The following RCE1 variants were observed in gnomAD, a reference collection of about 807,000 sequenced individuals.
RCE1 encodes CAAX prenyl protease 2.
RCE1 carries 15 observed loss-of-function variants against 35.0 expected under a neutral mutation model. That is an observed-to-expected ratio of 0.43 (90% confidence interval 0.29 to 0.66). The LOEUF (loss-of-function observed/expected upper bound fraction) is 0.66. Ranked by LOEUF, RCE1 falls within the 30% of genes least tolerant of loss-of-function variation. RCE1 has a pLI of 0.17. For synonymous variants in RCE1, 261 were observed against 192.7 expected, an observed-to-expected ratio of 1.35 and a Z score of -2.94; for missense variants, 434 against 433.0, an observed-to-expected ratio of 1.00 and a Z score of -0.02.
chr11:66,843,569 A>G lies in RCE1; in HGVS notation c.114A>G (p.Ser38=), dbSNP rs772486293. 3.2e-6 allele frequency: 5 copies of G among 1,579,688 alleles called. No homozygotes were observed. Among genetic ancestry groups the G allele is most frequent in the East Asian group, 2.3e-5 (1 of 44,170 alleles). The change falls in exon 1 of 8, where the codon TCA becomes TCG. Residue 38 remains serine, a synonymous_variant. Coordinates refer to ENST00000309657, the MANE Select transcript of RCE1 (RefSeq NM_005133.3). ...GCCCCGGGCTGTGCTGCTGGGTGTC[A>G]GTGTTCTCCTGCCTCAGCCTCGCCT... ...GLGPGLCCWV[S]VFSCLSLACS...
chr11:66,846,144 CCCA>C lies in RCE1; in HGVS notation c.*53_*55del, dbSNP rs576844535. 2.9e-4 allele frequency: 445 copies of C among 1,529,080 alleles called. 3 individuals are homozygous for C. The East Asian group carries it at 9.9e-3, about 34-fold the overall frequency. The allele number at this position is 1,529,080 out of a possible 1,614,324, so 94.7% of individuals were successfully genotyped here. A position where few individuals can be genotyped will look rare whatever the true frequency, so the allele number is the denominator to read the frequency against. Reference sequence around the variant, plus strand: ...AACTCTCACCGGCTCCCCAGCCCTCCCCACCAAGGGGTACTGCAGGGGAAGGGC... The same window carrying C: ...AACTCTCACCGGCTCCCCAGCCCTCCCCAAGGGGTACTGCAGGGGAAGGGC... On this transcript the variant is annotated 3_prime_UTR_variant, in exon 8 of 8. Transcript: ENST00000309657.
chr11:66,844,506 T>C (rs1459306714), intron 4 of RCE1, 142 bp downstream of exon 4: 8 of 1,185,516 alleles, frequency 6.7e-6, no homozygotes, highest in African/African-American at 4.6e-5. Context: ...AATGGAAACA[T>C]AGAGCTAGGT....
In RCE1 at chr11:66,844,890, G is replaced by C. The variant is rs1170411551; in HGVS notation, c.473G>C (p.Cys158Ser). ...VVLAPRSWAR[C>S]LTDMRWLRNQ... ...GCAGCCCCCCGCTCCTGGGCCCGCT[G>C]CCTCACAGACATGCGTTGGCTGCGG... Residue 158 changes from cysteine to serine, a missense_variant, in exon 5 of 8, where the codon TGC becomes TCC. Cys to Ser is a moderately radical substitution (Grantham distance 112). Coordinates refer to ENST00000309657, the MANE Select transcript of RCE1 (RefSeq NM_005133.3). The C allele has an allele frequency of 1.9e-6, 3 of 1,558,466 alleles. No homozygotes were observed. Among genetic ancestry groups the C allele is most frequent in the Non-Finnish European group, 2.6e-6 (3 of 1,153,836 alleles).
chr11:66,844,732 A>T (rs1565201912), intron 4 of RCE1, 137 bp from the exon 5 acceptor site: 1 of 1,256,562 alleles, frequency 8.0e-7, no homozygotes, highest in African/African-American at 1.5e-5. Context: ...TTGGGTCCAC[A>T]CCCCCGTCCT....
chr11:66,843,478 G>T lies in RCE1; in HGVS notation c.23G>T (p.Gly8Val). ...GCAATGGCGGCGCTGGGCGGGGATGGGCTGCGACTGCTGTCGGTGTCGCGG... is the reference window on the plus strand; with the variant it reads ...GCAATGGCGGCGCTGGGCGGGGATGTGCTGCGACTGCTGTCGGTGTCGCGG... MAALGGD[G>V]LRLLSVSRPE... The change falls in exon 1 of 8, where the codon GGG becomes GTG. Residue 8 changes from glycine to valine, a missense_variant. By Grantham distance (109) the Gly-to-Val change is moderately radical. Transcript: ENST00000309657. 2 of 1,464,216 alleles carry T rather than the reference G, an allele frequency of 1.4e-6. No individual in the cohort carries two copies. Among genetic ancestry groups the T allele is most frequent in the Non-Finnish European group, 1.8e-6 (2 of 1,119,930 alleles). 90.7% of individuals were successfully genotyped at this position (1,464,216 alleles called of 1,614,324 possible). A position where few individuals can be genotyped will look rare whatever the true frequency, so the allele number is the denominator to read the frequency against.
intron 7 of RCE1, 41 bp from the exon 8 acceptor site, chr11:66,845,819 G>A: frequency 6.3e-7 from 1 of 1,595,552 alleles, no homozygotes; most frequent in South Asian, 1.1e-5. Context: ...GCCAGAGGAG[G>A]TGGTAGGGCT....
Position 66,846,143 on chromosome 11 carries a change from C to T in RCE1, c.*48C>T. 1 of 1,530,434 alleles carries T rather than the reference C, an allele frequency of 6.5e-7. No individual in the cohort carries two copies. The highest frequency in any genetic ancestry group is 8.8e-7 in the Non-Finnish European group (1 of 1,142,022). 94.8% of individuals were successfully genotyped at this position (1,530,434 alleles called of 1,614,324 possible). A position where few individuals can be genotyped will look rare whatever the true frequency, so the allele number is the denominator to read the frequency against. On this transcript the variant is annotated 3_prime_UTR_variant, in exon 8 of 8. Transcript: ENST00000309657. ...GAACTCTCACCGGCTCCCCAGCCCT[C>T]CCCACCAAGGGGTACTGCAGGGGAA...
rs771224421 is a variant in RCE1, at chr11:66,843,658, G to A, written c.185+18G>A. 100 of 1,602,964 alleles carry A rather than the reference G, an allele frequency of 6.2e-5. No individual in the cohort carries two copies. Among genetic ancestry groups the A allele is most frequent in the Non-Finnish European group, 7.2e-5 (85 of 1,176,442 alleles). Reference sequence around the variant, plus strand: ...CTGCCCAGGTGCGGGGGCTGCGCGCGACCGGAATCCGCGCCCTGCGGGCGG... The same window carrying A: ...CTGCCCAGGTGCGGGGGCTGCGCGCAACCGGAATCCGCGCCCTGCGGGCGG... On this transcript the variant is annotated intron_variant, in intron 1 of 7. Transcript: ENST00000309657.
In RCE1 at chr11:66,844,938, C is replaced by G. The variant is rs1260390107; in HGVS notation, c.521C>G (p.Thr174Arg). 1.9e-6 allele frequency: 3 copies of G among 1,606,634 alleles called. No homozygotes were observed. Among genetic ancestry groups the G allele is most frequent in the Non-Finnish European group, 8.5e-7 (1 of 1,176,308 alleles). The change falls in exon 5 of 8, where the codon ACA (threonine) becomes AGA (arginine). Residue 174 changes from threonine (T) to arginine (R), a missense_variant. Physicochemically the swap from Thr to Arg is moderately conservative, Grantham distance 71. Transcript: ENST00000309657. The part of the protein sequence containing the change: ...WLRNQVIAPL[T>R]EELVFRACML... ...CGGAACCAAGTGATCGCCCCGCTGA[C>G]AGAGGAGCTGGTGTTCCGGGCCTGT...
At position 66,844,078 on chromosome 11, in the gene RCE1, T is replaced by C. The variant is rs1255736059; in HGVS notation, c.372+39T>C. 5 of 1,613,636 alleles carry C rather than the reference T, an allele frequency of 3.1e-6. No homozygotes were observed. In the African/African-American group the frequency reaches 5.3e-5, roughly 17 times the overall value. The stretch of plus-strand genomic sequence containing the variant: ...CTGTATTTTTTCTTCTGGTCTTTGT[T>C]ATCAGCCTGATGGGCAGTGCCGTGG... On this transcript the variant is annotated intron_variant, in intron 3 of 7. Coordinates refer to ENST00000309657, the MANE Select transcript of RCE1 (RefSeq NM_005133.3).
At chr11:66,844,185 A>T in intron 3 of RCE1, 101 bp from the exon 4 acceptor site, 1 of 1,597,118 alleles carries the variant, frequency 6.3e-7, no homozygotes, top group Non-Finnish European at 8.6e-7. Flanking sequence ...TGGTCTGGAA[A>T]TCGTGGCTGG....
intron 4 of RCE1, 37 bp from the exon 5 acceptor site, chr11:66,844,832 C>T (rs2135770175): frequency 1.3e-6 from 2 of 1,504,442 alleles, no homozygotes; most frequent in Admixed American, 2.3e-5. Flanking sequence ...TGTCTGACAG[C>T]CCGTCACTCA....
At position 66,845,970 on chromosome 11, in the gene RCE1, G is replaced by A; in HGVS notation, c.865G>A (p.Ala289Thr). 1 of 1,613,856 alleles carries A rather than the reference G, an allele frequency of 6.2e-7. No individual in the cohort carries two copies. The highest frequency in any genetic ancestry group is 1.3e-5 in the African/African-American group (1 of 75,072). The change falls in exon 8 of 8, where the codon GCC becomes ACC. Residue 289 changes from alanine to threonine, a missense_variant. Transcript: ENST00000309657. ...GAGGCGGCCCCTGCTGGCAGGCTAT[G>A]CCCTGGGTGTGGGACTCTTCCTGCT... ...PQRRPLLAGY[A>T]LGVGLFLLLL...
Position 66,846,103 on chromosome 11 carries a change from T to C in RCE1, c.*8T>C. ...GCTCCCCTGTGCTCCTGACCTATGC[T>C]CCTGGATACGCTATGAACTCTCACC... On this transcript the variant is annotated 3_prime_UTR_variant, in exon 8 of 8. Coordinates refer to ENST00000309657, the MANE Select transcript of RCE1 (RefSeq NM_005133.3). 6.3e-7 allele frequency: 1 copy of C among 1,596,000 alleles called. No individual in the cohort carries two copies. Among genetic ancestry groups the C allele is most frequent in the Non-Finnish European group, 8.5e-7 (1 of 1,172,010 alleles).
At position 66,844,009 on chromosome 11, in the gene RCE1, A is replaced by G. The variant is rs138345229; in HGVS notation, c.342A>G (p.Pro114=). 3.0e-5 allele frequency: 49 copies of G among 1,613,846 alleles called. No homozygotes were observed. In the Middle Eastern group the frequency reaches 6.6e-4, roughly 22 times the overall value. ...GCTTCAGGCTGGAGGGCATTTTCCC[A>G]GCGGCGCTGCTGCCCCTGTTGCTGA... The part of the protein sequence containing the change: ...LMGFRLEGIF[P]AALLPLLLTM... The change falls in exon 3 of 8, where the codon CCA becomes CCG. Residue 114 remains proline, a synonymous_variant. Coordinates refer to ENST00000309657, the MANE Select transcript of RCE1 (RefSeq NM_005133.3).
Position 66,844,059 on chromosome 11 carries a change from T to A in RCE1, c.372+20T>A. 1 of 1,613,998 alleles carries A rather than the reference T, an allele frequency of 6.2e-7. No individual in the cohort carries two copies. Among genetic ancestry groups the A allele is most frequent in the Non-Finnish European group, 8.5e-7 (1 of 1,180,008 alleles). On this transcript the variant is annotated intron_variant, in intron 3 of 7. Coordinates refer to ENST00000309657, the MANE Select transcript of RCE1 (RefSeq NM_005133.3). The stretch of plus-strand genomic sequence containing the variant: ...ACCATGGTGAGTGCTCCTGCTGTAT[T>A]TTTTCTTCTGGTCTTTGTTATCAGC...
chr11:66,845,226 T>G lies in RCE1; in HGVS notation c.680T>G (p.Phe227Cys). 1 of 1,614,224 alleles carries G rather than the reference T, an allele frequency of 6.2e-7. No individual in the cohort carries two copies. Among genetic ancestry groups the G allele is most frequent in the Middle Eastern group, 1.6e-4 (1 of 6,062 alleles). The change falls in exon 6 of 8, where the codon TTC becomes TGC. Residue 227 changes from phenylalanine (F) to cysteine (C), a missense_variant. By Grantham distance (205) the Phe-to-Cys change is radical. Coordinates refer to ENST00000309657, the MANE Select transcript of RCE1 (RefSeq NM_005133.3). ...RFRQSSVGNI[F>C]LSAAFQFSYT... Reference sequence around the variant, plus strand: ...CGCCAGAGCAGCGTGGGGAACATCTTCTTGTCTGCTGGTGAGTCCTGGCTA... The same window carrying G: ...CGCCAGAGCAGCGTGGGGAACATCTGCTTGTCTGCTGGTGAGTCCTGGCTA...
At chr11:66,844,743 C>T (rs1415770970) in intron 4 of RCE1, 126 bp from the exon 5 acceptor site, 16 of 1,322,128 alleles carry the variant, frequency 1.2e-5, no homozygotes, top group African/African-American at 1.5e-5. Context: ...CCCCCGTCCT[C>T]AGCAGTATTG....
At chr11:66,845,097 A>AG (rs1945180669) in intron 5 of RCE1, 61 bp downstream of exon 5, 13 of 1,611,964 alleles carry the variant, frequency 8.1e-6, no homozygotes, top group Non-Finnish European at 1.0e-5. Flanking sequence ...AGGGGGCTTG[A>AG]GGTGAGGGGC....
Sources: allele counts gnomAD v4.1 joint callset, GRCh38; gene constraint gnomAD v4.1.1; transcripts MANE v1.5; gene names NCBI Gene and HGNC (gene_info 2026-07-23, HGNC 2026-07-21).